Variants in PIEZO2 observed in about 807,000 individuals in gnomAD.
The protein encoded by PIEZO2 is piezo type mechanosensitive ion channel component 2.
Under a neutral mutation model 337.3 loss-of-function variants are expected in PIEZO2, and 172 were observed. The observed-to-expected ratio is 0.51, with a 90% CI of 0.45 to 0.58. The LOEUF is 0.58. Among genes scored for constraint, PIEZO2 ranks in the 20% least tolerant of loss-of-function variants. The pLI, the probability that PIEZO2 is intolerant of heterozygous loss-of-function variation, is 0.00. For missense variants in PIEZO2, 3,028 were observed against 3,391.3 expected (o/e 0.89, Z 2.66); for synonymous variants, 1,251 against 1,228.5 (o/e 1.02, Z -0.38).
rs556354256 is a variant in PIEZO2 at position 11,114,760 on chromosome 18, T to G, written c.64+33765A>C. Among the ~76,000 whole-genome samples, 10 of 151,830 alleles carry G rather than the reference T, an allele frequency of 6.6e-5. No individual in the cohort carries two copies. The South Asian group carries it at 2.1e-3, about 32-fold the overall frequency. ...ATAGACTGCAGTTAACAGGACGGGA[T>G]AGAGAAAATTTTCACAGATTGTCAG... On this transcript the variant is annotated intron_variant, in intron 1 of 55. Transcript: ENST00000674853.
chr18:10,759,988 G>A lies in PIEZO2; in HGVS notation c.3451-79C>T, dbSNP rs2038059203. ...GACTGGTGATAGGTGTCAGGTCTGT[G>A]TAGATGGCGGAGACCCATGTCCCTC... On this transcript the variant is annotated intron_variant, in intron 24 of 55. Coordinates refer to ENST00000674853, the MANE Select transcript of PIEZO2 (RefSeq NM_001378183.1). The surrounding 1 kb of genome is among the most constrained non-coding windows in gnomAD (Gnocchi z 5.5). 1 of 1,294,850 alleles carries A rather than the reference G, an allele frequency of 7.7e-7. No homozygotes were observed. The highest frequency in any genetic ancestry group is 1.1e-6 in the Non-Finnish European group (1 of 935,014). 80.2% of individuals were successfully genotyped at this position (1,294,850 alleles called of 1,614,324 possible).
rs139303188 is a variant in PIEZO2, at chr18:11,056,624, C to T, written c.160+9503G>A. ...TGGACCAAAAGGAATGTTGAAGCAA[C>T]TGGAACATCAACAAGGCAGGAAGGC... On this transcript the variant is annotated intron_variant, in intron 2 of 55. Coordinates refer to ENST00000674853, the MANE Select transcript of PIEZO2 (RefSeq NM_001378183.1). Among the ~76,000 whole-genome samples the T allele has an allele frequency of 7.5e-3, 1,139 of 152,250 alleles. 14 individuals are homozygous for T. Among genetic ancestry groups the T allele is most frequent in the African/African-American group, 0.024 (1,012 of 41,552 alleles).
rs2038993401 is a variant in PIEZO2 at position 10,781,818 on chromosome 18, C to G, written c.2493-1452G>C. On this transcript the variant is annotated intron_variant, in intron 17 of 55. Transcript: ENST00000674853. This position sits in a 1 kb window ranked among gnomAD's most constrained non-coding sequence, Gnocchi z 4.1. ...AAGAGTTGCATATCTCCAGAGACAA[C>G]AGTGTGGAAATCAGCTTAACGAGCG... Among the ~76,000 whole-genome samples the G allele has an allele frequency of 6.6e-6, 1 of 152,164 alleles. No homozygotes were observed. Among genetic ancestry groups the G allele is most frequent in the Admixed American group, 6.5e-5 (1 of 15,284 alleles).
chr18:11,057,677 G>A (rs544436530), intron 2 of PIEZO2, among the ~76,000 whole-genome samples: 73 of 152,262 alleles, frequency 4.8e-4, no homozygotes, highest in Middle Eastern at 6.8e-3. Context: ...ACCAGTCAAC[G>A]TGGCTATTGT....
At chr18:10,885,756 T>A (rs956190540) in intron 4 of PIEZO2, among the ~76,000 whole-genome samples, 3 of 152,114 alleles carry the variant, frequency 2.0e-5, no homozygotes, top group African/African-American at 4.8e-5. Flanking sequence ...CTTTCCTGAA[T>A]TACAAAGTGA....
Position 10,773,546 on chromosome 18 carries a change from A to C in PIEZO2, c.2651T>G (p.Leu884Trp). ...AAGCTTCTCCTCCCCAGGCTCAGCC[A>C]ACTTCCTCACCTCCGGCTTCTCCAG... ...ASLEKPEVRK[L>W]AEPGEEKLEG... The change falls in exon 20 of 56, where the codon TTG (leucine) becomes TGG (tryptophan). Residue 884 changes from leucine to tryptophan, a missense_variant. Transcript: ENST00000674853. The surrounding 1 kb of genome is among the most constrained non-coding windows in gnomAD (Gnocchi z 5.3). 6.5e-7 allele frequency: 1 copy of C among 1,537,454 alleles called. No homozygotes were observed.
rs2040324794 is a variant in PIEZO2, at chr18:10,815,167, T to A, written c.918-7893A>T. 6.6e-6 allele frequency among the ~76,000 whole-genome samples: 1 copy of A among 152,216 alleles called. No homozygotes were observed. The highest frequency in any genetic ancestry group is 2.4e-5 in the African/African-American group (1 of 41,450). On this transcript the variant is annotated intron_variant, in intron 7 of 55. Coordinates refer to ENST00000674853, the MANE Select transcript of PIEZO2 (RefSeq NM_001378183.1). The surrounding 1 kb of genome is among the most constrained non-coding windows in gnomAD (Gnocchi z 4.1). ...AATGGCAACAAAACATGGGTCTTAT[T>A]TTTAAAGGTTAAAAACAATGAAAAT...
At chr18:10,804,718 G>C (rs767022364) in intron 8 of PIEZO2, among the ~76,000 whole-genome samples, 1 of 152,132 alleles carries the variant, frequency 6.6e-6, no homozygotes, top group Non-Finnish European at 1.5e-5. Flanking sequence ...CTGAAGTCTC[G>C]ACACTGACTT....
At chr18:10,758,165 G>A (rs886572855) in intron 26 of PIEZO2, 31 bp from the exon 27 acceptor site, 29 of 1,530,684 alleles carry the variant, frequency 1.9e-5, no homozygotes, top group African/African-American at 5.5e-5. Context: ...TCATTAAGCC[G>A]CCTCATCCTC....
chr18:10,693,226 G>A (rs2034928606), intron 47 of PIEZO2, among the ~76,000 whole-genome samples: 1 of 152,132 alleles, frequency 6.6e-6, no homozygotes, highest in African/African-American at 2.4e-5. Context: ...TTTGTATGCT[G>A]GTTTTGTATC....
At chr18:10,737,298 C>CAAAAAACAAAAAAA (rs2037044039) in intron 33 of PIEZO2, among the ~76,000 whole-genome samples, 2 of 104,574 alleles carry the variant, frequency 1.9e-5, no homozygotes, top group Admixed American at 8.7e-5. Context: ...AAAAAAAAAA[C>CAAAAAACAAAAAAA]AAAAAAACAC....
rs2034065602 is a variant in PIEZO2 at position 10,677,527 on chromosome 18, A to C, written c.8081+220T>G. 4.4e-6 allele frequency: 2 copies of C among 451,198 alleles called. No homozygotes were observed. The highest frequency in any genetic ancestry group is 5.1e-5 in the East Asian group (1 of 19,472). The allele number at this position is 451,198 out of a possible 1,614,324, so 27.9% of individuals were successfully genotyped here. On this transcript the variant is annotated intron_variant, in intron 53 of 55. Transcript: ENST00000674853. The surrounding 1 kb of genome is among the most constrained non-coding windows in gnomAD (Gnocchi z 4.1). ...GCCACCATGCCTGGCCCAAACCCTC[A>C]TTTGGAACATAGACATAACCCTGGG... is the stretch of plus-strand genomic sequence containing the variant.
At chr18:10,891,539 A>T (rs2042756287) in intron 4 of PIEZO2, among the ~76,000 whole-genome samples, 2 of 152,190 alleles carry the variant, frequency 1.3e-5, no homozygotes, top group Admixed American at 1.3e-4. Context: ...TGCAGACACT[A>T]GGCATTGGCC....
At chr18:11,060,012 G>T (rs2037881709) in intron 2 of PIEZO2, among the ~76,000 whole-genome samples, 1 of 152,256 alleles carries the variant, frequency 6.6e-6, no homozygotes, top group African/African-American at 2.4e-5. Context: ...TGGAAGTAAA[G>T]CACTCCTCAG....
rs1329836708 is a variant in PIEZO2, at chr18:10,859,204, C to A, written c.493-1993G>T. On this transcript the variant is annotated intron_variant, in intron 5 of 55. Transcript: ENST00000674853. The surrounding 1 kb of genome is among the most constrained non-coding windows in gnomAD (Gnocchi z 4.9). Reference sequence around the variant, plus strand: ...GTTACCAGCCCTGTGAAAGTCCTGGCAAAGTGCATTCCGGGTGGAGGAAAG... The same window carrying A: ...GTTACCAGCCCTGTGAAAGTCCTGGAAAAGTGCATTCCGGGTGGAGGAAAG... Among the ~76,000 whole-genome samples, 1 of 152,140 alleles carries A rather than the reference C, an allele frequency of 6.6e-6. No individual in the cohort carries two copies. The highest frequency in any genetic ancestry group is 1.5e-5 in the Non-Finnish European group (1 of 68,030).
At chr18:11,029,186 G>A (rs1236891825) in intron 2 of PIEZO2, among the ~76,000 whole-genome samples, 1 of 152,114 alleles carries the variant, frequency 6.6e-6, no homozygotes, top group African/African-American at 2.4e-5. Context: ...CAGGTTCCCT[G>A]CCAACGCAAA....
In PIEZO2 at chr18:10,672,744, A is replaced by T. The variant is rs771775181; in HGVS notation, c.8291T>A (p.Val2764Glu). 1 of 1,614,108 alleles carries T rather than the reference A, an allele frequency of 6.2e-7. No homozygotes were observed. Reference protein sequence around the residue: ...YNPNSQALELVVFNDKVSPPS... With the variant: ...YNPNSQALELEVFNDKVSPPS... ...GGGACTGACTTTGTCATTGAAGACC[A>T]CCAGTTCCAGGGCCTGAGAGTTCGG... The change falls in exon 55 of 56, where the codon GTG (valine) becomes GAG (glutamate). Residue 2764 changes from valine to glutamate, a missense_variant. This residue lies in a region of PIEZO2 where 332 missense variants were observed against 363.8 expected (regional missense o/e 0.91). Coordinates refer to ENST00000674853, the MANE Select transcript of PIEZO2 (RefSeq NM_001378183.1). The surrounding 1 kb of genome is among the most constrained non-coding windows in gnomAD (Gnocchi z 4.7).
chr18:10,904,334 C>T (rs1481159380), intron 4 of PIEZO2, among the ~76,000 whole-genome samples: 4 of 152,102 alleles, frequency 2.6e-5, no homozygotes, highest in South Asian at 2.1e-4. Context: ...CTTGCTTTTG[C>T]CTCTACTAGC....
intron 28 of PIEZO2, among the ~76,000 whole-genome samples, chr18:10,751,298 C>T (rs1476730277): frequency 6.6e-6 from 1 of 152,256 alleles, no homozygotes; most frequent in African/African-American, 2.4e-5. Context: ...AATGAATGAA[C>T]TTTGAATCCA....
Sources: allele counts gnomAD v4.1 joint callset (sites outside exome capture counted in the v4.1 genomes callset), GRCh38; gene constraint gnomAD v4.1.1; regional missense constraint gnomAD v4.1.1; non-coding constraint Gnocchi (gnomAD v3.1); transcripts MANE v1.5; gene names NCBI Gene and HGNC (gene_info 2026-07-23, HGNC 2026-07-21).